CAST: variants seen among roughly 807,000 people sequenced by gnomAD.
The protein encoded by CAST is MIR583 host.
Under a neutral mutation model 119.6 loss-of-function variants are expected in CAST, and 76 were observed. The ratio of observed to expected loss-of-function variants is 0.64; its 90% CI spans 0.53 to 0.77. CAST has a LOEUF of 0.77. CAST is among the 30% of genes least tolerant of loss of function. CAST has a pLI of 0.00. For synonymous variants in CAST, 319 were observed against 331.6 expected (o/e 0.96, Z 0.41); for missense variants, 953 against 946.5 (o/e 1.01, Z -0.09).
the CAST span, among the ~76,000 whole-genome samples, chr5:96,181,610 T>G: frequency 6.6e-6 from 1 of 152,192 alleles, no homozygotes; most frequent in Admixed American, 6.5e-5. Context: ...TCACAGTAAC[T>G]CAGGGGTAGA....
chr5:96,412,752 GTTTTTTTTTTTTT>G, the CAST span, among the ~76,000 whole-genome samples: 11 of 71,832 alleles, frequency 1.5e-4, no homozygotes, highest in Admixed American at 1.9e-3. Flanking sequence ...CAGCTGTGAT[GTTTTTTTTTTTTT>G]TTTTTTTTTT....
At chr5:96,244,369 CTAAA>C in the CAST span, among the ~76,000 whole-genome samples, 3 of 152,086 alleles carry the variant, frequency 2.0e-5, no homozygotes, top group African/African-American at 7.2e-5. Context: ...CTTATTCCTT[CTAAA>C]TATAGTGTTG....
chr5:96,284,703 C>T, the CAST span, among the ~76,000 whole-genome samples: 1 of 149,372 alleles, frequency 6.7e-6, no homozygotes, highest in Non-Finnish European at 1.5e-5. Context: ...AAGAAAATAC[C>T]AGGAGGAAAG....
At chr5:96,467,923 G>A in the CAST span, among the ~76,000 whole-genome samples, 5 of 152,000 alleles carry the variant, frequency 3.3e-5, no homozygotes, top group South Asian at 8.3e-4. Context: ...TATTAAAAAG[G>A]CACCTACATG....
chr5:96,412,752 G>GTTTTTTTTTTTTTTTTTTTTTT, the CAST span, among the ~76,000 whole-genome samples: 41 of 71,804 alleles, frequency 5.7e-4, 11 homozygotes, highest in African/African-American at 3.6e-3. Flanking sequence ...CAGCTGTGAT[G>GTTTTTTTTTTTTTTTTTTTTTT]TTTTTTTTTT....
chr5:96,269,377 A>T, the CAST span, among the ~76,000 whole-genome samples: 1 of 152,186 alleles, frequency 6.6e-6, no homozygotes, highest in African/African-American at 2.4e-5. Flanking sequence ...GGGATTCGAC[A>T]TCCTACTCTC....
At chr5:96,603,284 A>G (rs1239740788) in intron 1 of CAST, among the ~76,000 whole-genome samples, 4 of 152,228 alleles carry the variant, frequency 2.6e-5, no homozygotes, top group African/African-American at 9.6e-5. Context: ...TGTTTTAAAG[A>G]TTCTTTTGTA....
chr5:96,175,351 G>T, the CAST span, among the ~76,000 whole-genome samples: 1 of 152,068 alleles, frequency 6.6e-6, no homozygotes, highest in Non-Finnish European at 1.5e-5. Context: ...TGATTTTGAG[G>T]TTCCTTGTTT....
intron 11 of CAST, among the ~76,000 whole-genome samples, 185 bp downstream of exon 11, chr5:96,738,132 G>A (rs1264899356): frequency 2.0e-5 from 3 of 152,118 alleles, no homozygotes; most frequent in South Asian, 4.1e-4. Context: ...GACCAGCCTG[G>A]CCAACATGGT....
the CAST span, among the ~76,000 whole-genome samples, chr5:96,295,759 A>G: frequency 6.6e-6 from 1 of 152,238 alleles, no homozygotes; most frequent in Non-Finnish European, 1.5e-5. Flanking sequence ...AAAAAGTCCT[A>G]TGAGAAGTGT....
At chr5:96,453,580 A>G in the CAST span, among the ~76,000 whole-genome samples, 3 of 152,352 alleles carry the variant, frequency 2.0e-5, no homozygotes, top group East Asian at 1.9e-4. Context: ...GAGCACTGAT[A>G]GAAGAGATCC....
At chr5:96,166,294 A>G in the CAST span, among the ~76,000 whole-genome samples, 2 of 152,254 alleles carry the variant, frequency 1.3e-5, no homozygotes, top group Non-Finnish European at 2.9e-5. Flanking sequence ...TTCATTTTAA[A>G]TATCATTAAT....
intron 1 of CAST, among the ~76,000 whole-genome samples, chr5:96,561,733 C>T (rs953852193): frequency 1.4e-5 from 2 of 146,868 alleles, no homozygotes; most frequent in Admixed American, 6.8e-5. Flanking sequence ...AGTATAAAAA[C>T]ATGAGAAGGA....
the CAST span, among the ~76,000 whole-genome samples, chr5:96,151,852 G>A: frequency 6.6e-6 from 1 of 152,210 alleles, no homozygotes; most frequent in Non-Finnish European, 1.5e-5. Context: ...AAACCCCTTG[G>A]ATAGAAGGTA....
the CAST span, among the ~76,000 whole-genome samples, chr5:96,330,368 G>A: frequency 6.6e-6 from 1 of 152,168 alleles, no homozygotes; most frequent in African/African-American, 2.4e-5. Flanking sequence ...GTGAGGAAGG[G>A]AGAAGGTTCA....
At chr5:96,099,509 A>G in the CAST span, among the ~76,000 whole-genome samples, 1 of 152,158 alleles carries the variant, frequency 6.6e-6, no homozygotes, top group Non-Finnish European at 1.5e-5. Context: ...TTCAGTACCT[A>G]GTTTATTGAG....
the CAST span, among the ~76,000 whole-genome samples, chr5:96,369,808 C>A: frequency 6.6e-6 from 1 of 152,078 alleles, no homozygotes; most frequent in Non-Finnish European, 1.5e-5. Context: ...CTTCTAAGCT[C>A]TCTTCACTGC....
the CAST span, among the ~76,000 whole-genome samples, chr5:96,190,553 T>C: frequency 6.6e-6 from 1 of 152,186 alleles, no homozygotes; most frequent in South Asian, 2.1e-4. Flanking sequence ...CTATCTGTGT[T>C]CTATTCCTTG....
intron 24 of CAST, among the ~76,000 whole-genome samples, 155 bp downstream of exon 24, chr5:96,757,809 G>A (rs544813923): frequency 7.3e-5 from 11 of 151,460 alleles, no homozygotes; most frequent in Non-Finnish European, 1.6e-4. Flanking sequence ...TCCTGCCCCA[G>A]CCTCCTGAGT....
Sources: allele counts gnomAD v4.1 joint callset (sites outside exome capture counted in the v4.1 genomes callset), GRCh38; gene constraint gnomAD v4.1.1; transcripts MANE v1.5; gene names NCBI Gene and HGNC (gene_info 2026-07-23, HGNC 2026-07-21).